Variants in PILRA observed in about 807,000 individuals in gnomAD.
The protein encoded by PILRA is paired immunoglobulin-like type 2 receptor alpha.
In PILRA, 37 loss-of-function variants were observed where a neutral mutation model predicts 33.1. That is an observed-to-expected ratio of 1.12 (90% CI 0.86 to 1.47). The LOEUF is 1.47. PILRA is among the 40% of genes most tolerant of loss of function. The probability of loss-of-function intolerance (pLI) is 0.00; values close to 1 mark genes in which losing one functional copy is unlikely to be tolerated. For synonymous variants in PILRA, 146 were observed against 149.9 expected, an observed-to-expected ratio of 0.97 and a Z score of 0.19; for missense variants, 312 against 376.2, an observed-to-expected ratio of 0.83 and a Z score of 1.41.
At chr7:100,380,218 C>T (rs1791058563) in intron 2 of PILRA, among the ~76,000 whole-genome samples, 1 of 152,144 alleles carries the variant, frequency 6.6e-6, no homozygotes. Context: ...ATATCTTGGC[C>T]TCATCTGTGT....
chr7:100,372,596 CTG>C (rs1163817386), upstream of PILRA, among the ~76,000 whole-genome samples: 2 of 152,162 alleles, frequency 1.3e-5, no homozygotes, highest in African/African-American at 2.4e-5. Context: ...GGGCCCAGGA[CTG>C]TGTGTGGGGT....
intron 2 of PILRA, among the ~76,000 whole-genome samples, chr7:100,381,258 TA>T (rs1230833488): frequency 1.3e-5 from 2 of 151,296 alleles, no homozygotes; most frequent in African/African-American, 2.4e-5. Context: ...AGAGCGAGAC[TA>T]CCGTCTCACA....
intron 3 of PILRA, among the ~76,000 whole-genome samples, chr7:100,395,575 G>A (rs1294970010): frequency 6.6e-6 from 1 of 151,882 alleles, no homozygotes; most frequent in South Asian, 2.1e-4. Flanking sequence ...ATATACATTA[G>A]CAGCACAAAA....
chr7:100,373,026 G>A (rs1790856037), upstream of PILRA, among the ~76,000 whole-genome samples: 1 of 152,140 alleles, frequency 6.6e-6, no homozygotes, highest in Admixed American at 6.5e-5. Flanking sequence ...GCCTGGGGCA[G>A]GAAGAGGCCA....
chr7:100,397,385 A>G, intron 3 of PILRA, among the ~76,000 whole-genome samples: 1 of 151,862 alleles, frequency 6.6e-6, no homozygotes, highest in East Asian at 1.9e-4. Context: ...GGGGAGGGGA[A>G]GCCTAGTGGT....
chr7:100,378,393 T>C (rs942767629), intron 2 of PILRA, among the ~76,000 whole-genome samples: 1 of 152,016 alleles, frequency 6.6e-6, no homozygotes, highest in Non-Finnish European at 1.5e-5. Context: ...TGTTGTTGCC[T>C]GCCTGTTCCT....
At chr7:100,385,374 A>G (rs1308712269) in intron 2 of PILRA, among the ~76,000 whole-genome samples, 3 of 152,216 alleles carry the variant, frequency 2.0e-5, no homozygotes, top group African/African-American at 7.2e-5. Context: ...TTAAATTTAA[A>G]AACTAATAAA....
At position 100,386,176 on chromosome 7, in the gene PILRA, G is replaced by A. The variant is rs1019688532; in HGVS notation, c.455-3712G>A. Among the ~76,000 whole-genome samples the A allele has an allele frequency of 3.9e-4, 60 of 152,298 alleles. 1 individual carries two copies. Among genetic ancestry groups the A allele is most frequent in the Admixed American group, 3.9e-3 (59 of 15,302 alleles). On this transcript the variant is annotated intron_variant, in intron 2 of 6. Coordinates refer to ENST00000198536, the MANE Select transcript of PILRA (RefSeq NM_013439.3). The stretch of plus-strand genomic sequence containing the variant: ...TCCACCTGCCTTGGCCTCCCAAAGT[G>A]CTGGGATTACAGGCACAAGCCACTG...
chr7:100,393,624 T>C (rs1791433904), intron 3 of PILRA, among the ~76,000 whole-genome samples: 1 of 152,114 alleles, frequency 6.6e-6, no homozygotes, highest in African/African-American at 2.4e-5. Flanking sequence ...CAGAGTTGGG[T>C]TATTTTTTTC....
chr7:100,383,596 C>T (rs554889064), intron 2 of PILRA, among the ~76,000 whole-genome samples: 120 of 150,436 alleles, frequency 8.0e-4, no homozygotes, highest in African/African-American at 2.8e-3. Context: ...AGCGAAGGAG[C>T]GTTTCCTGCA....
At chr7:100,391,182 A>AT (rs1387642546) in intron 3 of PILRA, among the ~76,000 whole-genome samples, 58 of 141,754 alleles carry the variant, frequency 4.1e-4, no homozygotes, top group East Asian at 1.8e-3. Flanking sequence ...AATAATAATA[A>AT]TAATTATTAT....
At chr7:100,386,363 G>T (rs1791251658) in intron 2 of PILRA, among the ~76,000 whole-genome samples, 1 of 152,110 alleles carries the variant, frequency 6.6e-6, no homozygotes, top group Non-Finnish European at 1.5e-5. Flanking sequence ...AATTAGCCAG[G>T]TGTGGTGGCA....
chr7:100,381,110 C>A (rs1449495279), intron 2 of PILRA, among the ~76,000 whole-genome samples: 3 of 150,964 alleles, frequency 2.0e-5, no homozygotes, highest in Non-Finnish European at 4.4e-5. Context: ...ACTAAAAATA[C>A]AAAAAATTAG....
intron 4 of PILRA, 144 bp downstream of exon 4, chr7:100,398,056 G>A: frequency 1.3e-6 from 1 of 768,458 alleles, no homozygotes; most frequent in South Asian, 1.7e-5. Context: ...ACCCATCCTT[G>A]TTCTCCTTTG....
chr7:100,373,875 C>T (rs1421334885), intron 1 of PILRA, among the ~76,000 whole-genome samples, 155 bp downstream of exon 1: 4 of 152,150 alleles, frequency 2.6e-5, no homozygotes, highest in African/African-American at 4.8e-5. Flanking sequence ...TCCTCTCCCC[C>T]TCCTCCCTCC....
Position 100,374,152 on chromosome 7 carries a change from C to T in PILRA, c.173C>T (p.Pro58Leu). 2 of 1,614,138 alleles carry T rather than the reference C, an allele frequency of 1.2e-6. No homozygotes were observed. Among genetic ancestry groups the T allele is most frequent in the South Asian group, 2.2e-5 (2 of 91,084 alleles). Reference sequence around the variant, plus strand: ...GAAATCCCCTTCTCCTTCTATTACCCCTGGGAGTTAGCCACAGCTCCCGAC... The same window carrying T: ...GAAATCCCCTTCTCCTTCTATTACCTCTGGGAGTTAGCCACAGCTCCCGAC... ...SVEIPFSFYY[P>L]WELATAPDVR... Residue 58 changes from proline to leucine, a missense_variant, in exon 2 of 7, where the codon CCC (proline) becomes CTC (leucine). Transcript: ENST00000198536.
At position 100,374,154 on chromosome 7, in the gene PILRA, T is replaced by C. The variant is rs777471328; in HGVS notation, c.175T>C (p.Trp59Arg). 6.2e-7 allele frequency: 1 copy of C among 1,614,032 alleles called. No individual in the cohort carries two copies. Among genetic ancestry groups the C allele is most frequent in the Non-Finnish European group, 8.5e-7 (1 of 1,180,038 alleles). Residue 59 changes from tryptophan (W) to arginine (R), a missense_variant, in exon 2 of 7, where the codon TGG becomes CGG. Transcript: ENST00000198536. ...AATCCCCTTCTCCTTCTATTACCCCTGGGAGTTAGCCACAGCTCCCGACGT... is the reference window on the plus strand; with the variant it reads ...AATCCCCTTCTCCTTCTATTACCCCCGGGAGTTAGCCACAGCTCCCGACGT... ...VEIPFSFYYP[W>R]ELATAPDVRI...
intron 2 of PILRA, among the ~76,000 whole-genome samples, chr7:100,375,811 C>T (rs1035686133): frequency 5.3e-5 from 8 of 152,270 alleles, no homozygotes; most frequent in Non-Finnish European, 7.3e-5. Context: ...CCTCTAGCTA[C>T]AGGGCTTCGC....
Position 100,390,126 on chromosome 7 carries a change from C to T in PILRA, c.673+20C>T. 6.2e-7 allele frequency: 1 copy of T among 1,604,378 alleles called. No individual in the cohort carries two copies. Among genetic ancestry groups the T allele is most frequent in the African/African-American group, 1.3e-5 (1 of 74,784 alleles). Reference sequence around the variant, plus strand: ...GGAAAGGTAAGTGCCCAGGACCCGCCCTCTCCCCAAGCCTCCCATCTGGGG... The same window carrying T: ...GGAAAGGTAAGTGCCCAGGACCCGCTCTCTCCCCAAGCCTCCCATCTGGGG... On this transcript the variant is annotated intron_variant, in intron 3 of 6. Transcript: ENST00000198536.
Sources: allele counts gnomAD v4.1 joint callset (sites outside exome capture counted in the v4.1 genomes callset), GRCh38; gene constraint gnomAD v4.1.1; transcripts MANE v1.5; gene names NCBI Gene and HGNC (gene_info 2026-07-23, HGNC 2026-07-21).